HERC1: variants seen among roughly 807,000 people sequenced by gnomAD.
HERC1 encodes probable E3 ubiquitin-protein ligase HERC1.
HERC1 carries 160 observed loss-of-function variants against 554.3 expected under a neutral mutation model. The ratio of observed to expected loss-of-function variants is 0.29; its 90% confidence interval spans 0.25 to 0.33. The LOEUF is 0.33. Ranked by LOEUF, HERC1 falls within the 10% of genes least tolerant of loss-of-function variation. HERC1 has a pLI of 1.00. For synonymous variants in HERC1, 2,175 were observed against 2,131.7 expected, an observed-to-expected ratio of 1.02 and a Z score of -0.56; for missense variants, 4,919 against 5,918.5, an observed-to-expected ratio of 0.83 and a Z score of 5.54.
In HERC1 at chr15:63,684,992, G is replaced by C. The variant is rs1385338544; in HGVS notation, c.6225+1367C>G. Among the ~76,000 whole-genome samples the C allele has an allele frequency of 4.6e-5, 7 of 152,220 alleles. No individual in the cohort carries two copies. In the South Asian group the frequency reaches 6.2e-4, roughly 13 times the overall value. ...CCACTGCACTCCAGCCTGGGTGACA[G>C]AGCAAGACTCCGTCTCAACCAAAAA... On this transcript the variant is annotated intron_variant, in intron 34 of 77. Transcript: ENST00000443617.
intron 1 of HERC1, among the ~76,000 whole-genome samples, chr15:63,795,437 G>GA (rs1024897222): frequency 2.6e-4 from 39 of 152,024 alleles, no homozygotes; most frequent in African/African-American, 8.9e-4. Context: ...AAATTGAGAG[G>GA]AAAAAATATC....
At chr15:63,731,088 T>C (rs7174139) in intron 14 of HERC1, among the ~76,000 whole-genome samples, 41,034 of 152,124 alleles carry the variant, frequency 0.27, 6,132 homozygotes, top group Middle Eastern at 0.38. Context: ...TTACACATTT[T>C]CATAAACCAT....
rs1318860587 is a variant in HERC1, at chr15:63,672,711, A to C, written c.7847-17T>G. 3 of 1,538,358 alleles carry C rather than the reference A, an allele frequency of 2.0e-6. No individual in the cohort carries two copies. The African/African-American group carries it at 4.1e-5, about 21-fold the overall frequency. On this transcript the variant is annotated splice_polypyrimidine_tract_variant and intron_variant, in intron 38 of 77. Transcript: ENST00000443617. ...GATCAATCTCTAGAAACCAAAAAAA[A>C]GGTTAAGAAAGTAGTAAGGATTTGT...
chr15:63,627,449 T>G (rs2068348330), intron 70 of HERC1, among the ~76,000 whole-genome samples: 3 of 152,082 alleles, frequency 2.0e-5, no homozygotes, highest in Admixed American at 2.0e-4. Context: ...AGGCTTGAAC[T>G]CCAGACTTGA....
chr15:63,630,985 C>A (rs1199832186), intron 68 of HERC1, among the ~76,000 whole-genome samples: 1 of 152,110 alleles, frequency 6.6e-6, no homozygotes, highest in African/African-American at 2.4e-5. Flanking sequence ...TTCTTATGTT[C>A]TTTTTTGAGA....
intron 27 of HERC1, among the ~76,000 whole-genome samples, chr15:63,695,274 C>G (rs1489135518): frequency 6.6e-6 from 1 of 152,088 alleles, no homozygotes; most frequent in Non-Finnish European, 1.5e-5. Flanking sequence ...TGAGCTCAAG[C>G]AATCCAACAG....
intron 16 of HERC1, among the ~76,000 whole-genome samples, 174 bp downstream of exon 16, chr15:63,729,062 T>G (rs1223528510): frequency 6.6e-6 from 1 of 152,156 alleles, no homozygotes; most frequent in Non-Finnish European, 1.5e-5. Context: ...AGACTCTTTC[T>G]AAGACCAATC....
Position 63,734,430 on chromosome 15 carries a change from C to T in HERC1, c.2646+294G>A, listed in dbSNP as rs753766374. Among the ~76,000 whole-genome samples, 1 of 152,172 alleles carries T rather than the reference C, an allele frequency of 6.6e-6. No homozygotes were observed. Among genetic ancestry groups the T allele is most frequent in the Non-Finnish European group, 1.5e-5 (1 of 68,030 alleles). The stretch of plus-strand genomic sequence containing the variant: ...AGCATGGAACCAACAGTAGCACATA[C>T]ACTTGATTTCAACTCAGCATACTAC... On this transcript the variant is annotated intron_variant, in intron 13 of 77. Coordinates refer to ENST00000443617, the MANE Select transcript of HERC1 (RefSeq NM_003922.4). The surrounding 1 kb of genome is among the most constrained non-coding windows in gnomAD (Gnocchi z 4.6).
chr15:63,614,546 T>G (rs977906804), intron 76 of HERC1, among the ~76,000 whole-genome samples: 1 of 152,236 alleles, frequency 6.6e-6, no homozygotes, highest in African/African-American at 2.4e-5. Context: ...CTGATGGGAC[T>G]TGGCCCAAAG....
At chr15:63,816,259 C>T (rs554266222) in intron 1 of HERC1, among the ~76,000 whole-genome samples, 1 of 152,150 alleles carries the variant, frequency 6.6e-6, no homozygotes, top group South Asian at 2.1e-4. Flanking sequence ...ACTTGACATT[C>T]CAAGAGAGAA....
rs2075434638 is a variant in HERC1 at position 63,756,906 on chromosome 15, C to T, written c.1222-158G>A. 6.6e-6 allele frequency among the ~76,000 whole-genome samples: 1 copy of T among 152,134 alleles called. No individual in the cohort carries two copies. The highest frequency in any genetic ancestry group is 2.4e-5 in the African/African-American group (1 of 41,428). ...GAATATACAGAAATCTAAGAGAACACGAATGGCCTTTTCATGCTCACAACT... is the reference window on the plus strand; with the variant it reads ...GAATATACAGAAATCTAAGAGAACATGAATGGCCTTTTCATGCTCACAACT... On this transcript the variant is annotated intron_variant, in intron 4 of 77. Coordinates refer to ENST00000443617, the MANE Select transcript of HERC1 (RefSeq NM_003922.4). The surrounding 1 kb of genome is among the most constrained non-coding windows in gnomAD (Gnocchi z 5.0).
chr15:63,616,117 G>C (rs1283160127), intron 75 of HERC1, among the ~76,000 whole-genome samples, 197 bp from the exon 76 acceptor site: 1 of 152,074 alleles, frequency 6.6e-6, no homozygotes, highest in African/African-American at 2.4e-5. Flanking sequence ...TTAAAAATGG[G>C]ACAAAATCTC....
intron 1 of HERC1, among the ~76,000 whole-genome samples, chr15:63,790,753 G>A (rs191722642): frequency 9.3e-5 from 14 of 151,014 alleles, no homozygotes; most frequent in Non-Finnish European, 1.8e-4. Context: ...GTTAAATGCT[G>A]GCAGAAGAAA....
chr15:63,786,301 G>A (rs961915302), intron 1 of HERC1, among the ~76,000 whole-genome samples: 32 of 145,326 alleles, frequency 2.2e-4, no homozygotes, highest in South Asian at 2.2e-4. Context: ...AAAAGAAGAA[G>A]AAGAAGAATC....
intron 14 of HERC1, among the ~76,000 whole-genome samples, chr15:63,730,107 T>C (rs539934125): frequency 6.8e-6 from 1 of 147,506 alleles, no homozygotes; most frequent in East Asian, 2.1e-4. Flanking sequence ...CTTATGATAC[T>C]AGCTATTAGA....
chr15:63,821,546 C>G (rs899960369), intron 1 of HERC1, among the ~76,000 whole-genome samples: 22 of 134,924 alleles, frequency 1.6e-4, no homozygotes, highest in African/African-American at 5.8e-4. Flanking sequence ...CAGAGTGAGA[C>G]TCTGTCTCAA....
At chr15:63,693,093 G>A (rs998552231) in intron 30 of HERC1, among the ~76,000 whole-genome samples, 2 of 151,946 alleles carry the variant, frequency 1.3e-5, no homozygotes, top group East Asian at 1.9e-4. Context: ...CAGCACAATC[G>A]CTTGAACCTG....
chr15:63,823,063 T>C lies in HERC1; in HGVS notation c.-27+10764A>G, dbSNP rs574696006. Among the ~76,000 whole-genome samples the C allele has an allele frequency of 1.9e-3, 289 of 152,280 alleles. 5 individuals are homozygous for C. The highest frequency in any genetic ancestry group is 0.014 in the Middle Eastern group (4 of 294). On this transcript the variant is annotated intron_variant, in intron 1 of 77. Transcript: ENST00000443617. ...ATAGTTTGTTATATAAGTAAACTCA[T>C]GTCATGGGGGTTTGTTGTACAGATT...
chr15:63,684,704 C>A (rs111410388), intron 34 of HERC1, among the ~76,000 whole-genome samples: 6 of 151,344 alleles, frequency 4.0e-5, no homozygotes, highest in African/African-American at 9.8e-5. Flanking sequence ...TACCTTCTAG[C>A]GGGGGAAAAA....
Sources: gnomAD v4.1 joint callset for allele counts (sites outside exome capture counted in the v4.1 genomes callset) on GRCh38, gnomAD v4.1.1 for gene constraint, Gnocchi (gnomAD v3.1) non-coding constraint, MANE v1.5 for transcripts, NCBI Gene and HGNC (gene_info 2026-07-23, HGNC 2026-07-21) for gene names.